DCDC1: variants seen among roughly 807,000 people sequenced by gnomAD.
The protein encoded by DCDC1 is doublecortin domain containing 1, also known as doublecortin domain-containing protein 1.
In DCDC1, 200 loss-of-function variants were observed where a neutral mutation model predicts 178.3. That is an observed-to-expected ratio of 1.12 (90% CI 1.00 to 1.26). The LOEUF (loss-of-function observed/expected upper bound fraction) is 1.26. DCDC1 is among the 50% of genes most tolerant of loss of function. DCDC1 has a pLI of 0.00. For synonymous variants in DCDC1, 690 were observed against 604.8 expected, an observed-to-expected ratio of 1.14 and a Z score of -2.07; for missense variants, 1,983 against 1,749.2, an observed-to-expected ratio of 1.13 and a Z score of -2.38.
At chr11:31,325,815 T>A (rs546604514) in intron 3 of DCDC1, among the ~76,000 whole-genome samples, 41 of 152,220 alleles carry the variant, frequency 2.7e-4, no homozygotes, top group African/African-American at 8.7e-4. Flanking sequence ...TATATTTTAA[T>A]AATTACTTCT....
At chr11:31,069,630 C>G (rs1217979258) in intron 18 of DCDC1, among the ~76,000 whole-genome samples, 1 of 152,116 alleles carries the variant, frequency 6.6e-6, no homozygotes, top group Non-Finnish European at 1.5e-5. Context: ...AGAAAACAAA[C>G]AGTAGACACA....
chr11:31,146,022 G>A (rs1964408502), intron 9 of DCDC1, among the ~76,000 whole-genome samples: 1 of 151,716 alleles, frequency 6.6e-6, no homozygotes, highest in African/African-American at 2.4e-5. Context: ...TGGATAATGG[G>A]GGCAAAATAA....
At chr11:31,235,541 T>A (rs1414225560) in intron 9 of DCDC1, among the ~76,000 whole-genome samples, 1 of 152,048 alleles carries the variant, frequency 6.6e-6, no homozygotes, top group African/African-American at 2.4e-5. Context: ...GGATAAATGA[T>A]TTTTAAATAT....
chr11:30,868,745 C>T (rs905487646), intron 38 of DCDC1, among the ~76,000 whole-genome samples: 2 of 152,180 alleles, frequency 1.3e-5, no homozygotes, highest in African/African-American at 2.4e-5. Flanking sequence ...TGGGTCACCT[C>T]TATGCTGCTG....
intron 36 of DCDC1, among the ~76,000 whole-genome samples, chr11:30,890,954 TAATA>T (rs1943721156): frequency 6.6e-6 from 1 of 152,222 alleles, no homozygotes; most frequent in Non-Finnish European, 1.5e-5. Flanking sequence ...TAAATATTCT[TAATA>T]AATAGTTGTT....
intron 20 of DCDC1, among the ~76,000 whole-genome samples, chr11:30,988,904 T>C (rs1311534581): frequency 6.6e-6 from 1 of 152,160 alleles, no homozygotes; most frequent in Non-Finnish European, 1.5e-5. Context: ...TATGGCTTCA[T>C]ATGGTTAGAA....
rs543591685 is a variant in DCDC1 at position 31,369,356 on chromosome 11, G to A, written c.-125+341C>T. Among the ~76,000 whole-genome samples the A allele has an allele frequency of 2.6e-5, 4 of 152,182 alleles. No homozygotes were observed. In the South Asian group the frequency reaches 8.3e-4, roughly 32 times the overall value. On this transcript the variant is annotated intron_variant, in intron 1 of 38. Coordinates refer to ENST00000684477, the MANE Select transcript of DCDC1 (RefSeq NM_001387274.1). ...AAAAATTAAACCGACCCCATCCCCC[G>A]CACATCTAGCCCTACCTGGCATAGG... is the stretch of plus-strand genomic sequence containing the variant.
At chr11:31,111,136 G>C (rs182467241) in intron 11 of DCDC1, among the ~76,000 whole-genome samples, 240 of 152,190 alleles carry the variant, frequency 1.6e-3, no homozygotes, top group Non-Finnish European at 2.5e-3. Flanking sequence ...AGCTGAGAGA[G>C]GGGCCTGATG....
At chr11:31,202,516 A>T (rs189467260) in intron 9 of DCDC1, among the ~76,000 whole-genome samples, 6 of 152,308 alleles carry the variant, frequency 3.9e-5, no homozygotes, top group Non-Finnish European at 8.8e-5. Context: ...GGTTGCAGTG[A>T]GCCAAGATTG....
At chr11:31,286,712 T>C (rs1445857290) in intron 7 of DCDC1, among the ~76,000 whole-genome samples, 1 of 151,992 alleles carries the variant, frequency 6.6e-6, no homozygotes, top group East Asian at 1.9e-4. Context: ...AGATATCAGG[T>C]ACCTCTAAAA....
chr11:31,067,646 C>T (rs752389712), intron 18 of DCDC1, among the ~76,000 whole-genome samples: 14 of 151,924 alleles, frequency 9.2e-5, no homozygotes, highest in South Asian at 2.1e-4. Context: ...AAATAAAATG[C>T]CATTAACTGA....
intron 9 of DCDC1, among the ~76,000 whole-genome samples, chr11:31,201,101 C>T (rs1017313318): frequency 2.0e-5 from 3 of 151,970 alleles, no homozygotes. Flanking sequence ...AGGAGCAGGC[C>T]TATCATCTTT....
At chr11:30,892,446 C>T (rs779478776) in intron 36 of DCDC1, among the ~76,000 whole-genome samples, 3 of 151,914 alleles carry the variant, frequency 2.0e-5, no homozygotes, top group Admixed American at 1.3e-4. Flanking sequence ...GCACTCCAGC[C>T]TGGGTGACAG....
At chr11:30,886,627 T>C (rs922738829) in intron 36 of DCDC1, among the ~76,000 whole-genome samples, 3 of 152,346 alleles carry the variant, frequency 2.0e-5, no homozygotes, top group African/African-American at 7.2e-5. Flanking sequence ...ATTGGATTAA[T>C]GTTCCACCCT....
chr11:31,356,477 G>T (rs1365310293), intron 1 of DCDC1, among the ~76,000 whole-genome samples: 1 of 151,812 alleles, frequency 6.6e-6, no homozygotes, highest in Non-Finnish European at 1.5e-5. Flanking sequence ...GCCCACAAGA[G>T]AAAGCAGGAA....
intron 20 of DCDC1, among the ~76,000 whole-genome samples, chr11:30,975,209 G>A (rs1435359414): frequency 1.3e-5 from 2 of 151,988 alleles, no homozygotes; most frequent in African/African-American, 4.8e-5. Flanking sequence ...ACTAGACACT[G>A]AGAGAACATA....
intron 8 of DCDC1, among the ~76,000 whole-genome samples, chr11:31,246,450 T>C (rs925005576): frequency 6.6e-6 from 1 of 151,628 alleles, no homozygotes; most frequent in Non-Finnish European, 1.5e-5. Flanking sequence ...TCCCACCAAT[T>C]CAACCTATTC....
intron 11 of DCDC1, among the ~76,000 whole-genome samples, chr11:31,116,578 A>G (rs967584121): frequency 4.6e-5 from 7 of 152,066 alleles, no homozygotes; most frequent in Non-Finnish European, 1.0e-4. Flanking sequence ...AATATATGAT[A>G]TAGTATAAAT....
At chr11:31,269,420 T>C (rs1314398674) in intron 7 of DCDC1, among the ~76,000 whole-genome samples, 1 of 152,054 alleles carries the variant, frequency 6.6e-6, no homozygotes, top group Non-Finnish European at 1.5e-5. Context: ...TCTTGCTCTG[T>C]CACCCAGGCT....
Sources: allele counts gnomAD v4.1 joint callset (sites outside exome capture counted in the v4.1 genomes callset), GRCh38; gene constraint gnomAD v4.1.1; transcripts MANE v1.5; gene names NCBI Gene and HGNC (gene_info 2026-07-23, HGNC 2026-07-21).